NCAM1: variants seen among roughly 807,000 people sequenced by gnomAD.
NCAM1 encodes antigen recognized by monoclonal antibody 5.1H11.
NCAM1 carries 14 observed loss-of-function variants against 109.8 expected under a neutral mutation model. The ratio of observed to expected loss-of-function variants is 0.13; its 90% CI spans 0.08 to 0.20. The LOEUF (loss-of-function observed/expected upper bound fraction) is 0.20, where lower values mean the gene tolerates loss of function less well. Ranked by LOEUF, NCAM1 falls within the 10% of genes least tolerant of loss-of-function variation. The probability of loss-of-function intolerance (pLI) is 1.00; values close to 1 mark genes in which losing one functional copy is unlikely to be tolerated. For synonymous variants in NCAM1, 418 were observed against 442.9 expected, an observed-to-expected ratio of 0.94 and a Z score of 0.70; for missense variants, 774 against 1,109.9, an observed-to-expected ratio of 0.70 and a Z score of 4.30.
chr11:113,038,064 C>A (rs1227228553), intron 1 of NCAM1, among the ~76,000 whole-genome samples: 1 of 152,234 alleles, frequency 6.6e-6, no homozygotes, highest in African/African-American at 2.4e-5. Flanking sequence ...CGGGCTCCTG[C>A]CTCTGTGTCA....
chr11:113,122,813 CAG>C (rs1311164925), intron 1 of NCAM1, among the ~76,000 whole-genome samples: 1 of 152,044 alleles, frequency 6.6e-6, no homozygotes, highest in Non-Finnish European at 1.5e-5. Context: ...AAAAGGAACT[CAG>C]GGTTGTCTAG....
At chr11:113,203,561 T>C (rs1944138979) in intron 2 of NCAM1, among the ~76,000 whole-genome samples, 1 of 152,172 alleles carries the variant, frequency 6.6e-6, no homozygotes, top group African/African-American at 2.4e-5. Flanking sequence ...GCAGTTTCAG[T>C]GTCAGAGCCC....
chr11:113,269,213 C>A (rs1169518553), intron 17 of NCAM1, among the ~76,000 whole-genome samples: 1 of 152,044 alleles, frequency 6.6e-6, no homozygotes, highest in Non-Finnish European at 1.5e-5. Context: ...CCCAGGGGCC[C>A]CAGAGAGCTG....
intron 14 of NCAM1, chr11:113,240,918 C>A: frequency 7.5e-7 from 1 of 1,335,176 alleles, no homozygotes; most frequent in Non-Finnish European, 1.1e-6. Flanking sequence ...TCTCCTTCAC[C>A]AGGTGATAAT....
rs782533681 is a variant in NCAM1, at chr11:113,270,357, C to T, written c.2301C>T (p.Ala767=). 9.9e-6 allele frequency: 16 copies of T among 1,613,898 alleles called. No individual in the cohort carries two copies. Among genetic ancestry groups the T allele is most frequent in the Admixed American group, 1.7e-5 (1 of 60,008 alleles). Residue 767 remains alanine, a synonymous_variant, in exon 18 of 20, where the codon GCC becomes GCT. Coordinates refer to ENST00000316851, the MANE Select transcript of NCAM1 (RefSeq NM_181351.5). ...TGTGTGGAAAAGCCGGGCCCGGGGC[C>T]AAGGGCAAGGACATGGAGGAGGGCA... ...VNLCGKAGPG[A]KGKDMEEGKA...
At chr11:113,077,216 A>G (rs1314396792) in intron 1 of NCAM1, among the ~76,000 whole-genome samples, 1 of 152,198 alleles carries the variant, frequency 6.6e-6, no homozygotes, top group Non-Finnish European at 1.5e-5. Context: ...AAAGGTATGA[A>G]GAGACTGATG....
At chr11:113,198,312 G>T (rs1943917614) in intron 1 of NCAM1, among the ~76,000 whole-genome samples, 1 of 152,012 alleles carries the variant, frequency 6.6e-6, no homozygotes, top group South Asian at 2.1e-4. Flanking sequence ...GATTATCTAT[G>T]AGCAAAGAGG....
intron 1 of NCAM1, among the ~76,000 whole-genome samples, chr11:113,196,022 C>G (rs1472797013): frequency 6.6e-6 from 1 of 151,972 alleles, no homozygotes; most frequent in Non-Finnish European, 1.5e-5. Context: ...CATTACCTTT[C>G]TAAACAATTT....
At chr11:113,107,611 A>C (rs1294300641) in intron 1 of NCAM1, among the ~76,000 whole-genome samples, 1 of 152,180 alleles carries the variant, frequency 6.6e-6, no homozygotes, top group Non-Finnish European at 1.5e-5. Context: ...GAGAATGAGA[A>C]CCAAGAGAAA....
At chr11:113,058,940 A>G (rs1953818311) in intron 1 of NCAM1, among the ~76,000 whole-genome samples, 1 of 152,150 alleles carries the variant, frequency 6.6e-6, no homozygotes, top group African/African-American at 2.4e-5. Context: ...GAAATCTTTT[A>G]TATCTGTTAT....
intron 1 of NCAM1, among the ~76,000 whole-genome samples, chr11:113,094,433 A>G (rs1939499861): frequency 6.6e-6 from 1 of 152,140 alleles, no homozygotes; most frequent in East Asian, 1.9e-4. Flanking sequence ...ACCTTCAGAG[A>G]TTGAACTACA....
chr11:112,999,211 T>G (rs1951679855), intron 1 of NCAM1, among the ~76,000 whole-genome samples: 1 of 152,202 alleles, frequency 6.6e-6, no homozygotes, highest in Non-Finnish European at 1.5e-5. Context: ...TGGTAGTAAT[T>G]TTTTCAGAAA....
chr11:113,033,967 T>C (rs1555078723), intron 1 of NCAM1, among the ~76,000 whole-genome samples: 1 of 152,250 alleles, frequency 6.6e-6, no homozygotes, highest in East Asian at 1.9e-4. Context: ...AATCTGCTTT[T>C]TTTCAAGTTC....
intron 1 of NCAM1, among the ~76,000 whole-genome samples, chr11:113,040,754 T>C (rs1953048776): frequency 6.6e-6 from 1 of 152,220 alleles, no homozygotes; most frequent in African/African-American, 2.4e-5. Flanking sequence ...ATTCTTACTA[T>C]GTTTTAAGTG....
chr11:112,981,917 C>CT (rs577465019), intron 1 of NCAM1, among the ~76,000 whole-genome samples: 61 of 151,726 alleles, frequency 4.0e-4, no homozygotes, highest in East Asian at 1.9e-3. Flanking sequence ...AGGTGGCTCT[C>CT]TTTTTTTTAG....
At chr11:113,179,304 A>G (rs1555107600) in intron 1 of NCAM1, among the ~76,000 whole-genome samples, 1 of 152,240 alleles carries the variant, frequency 6.6e-6, no homozygotes, top group East Asian at 1.9e-4. Flanking sequence ...GTTGATTCCT[A>G]AGTAAAGAAT....
chr11:113,009,091 T>G (rs570039077), intron 1 of NCAM1, among the ~76,000 whole-genome samples: 1 of 152,164 alleles, frequency 6.6e-6, no homozygotes, highest in African/African-American at 2.4e-5. Flanking sequence ...AACTGAGCCT[T>G]GAACTCAGTT....
At chr11:113,194,809 C>CA (rs1158199761) in intron 1 of NCAM1, among the ~76,000 whole-genome samples, 1 of 152,204 alleles carries the variant, frequency 6.6e-6, no homozygotes, top group Non-Finnish European at 1.5e-5. Flanking sequence ...CCCAGGAGCC[C>CA]AGGGGCCTGT....
At chr11:113,079,350 C>T (rs572300228) in intron 1 of NCAM1, among the ~76,000 whole-genome samples, 3 of 152,094 alleles carry the variant, frequency 2.0e-5, no homozygotes, top group African/African-American at 4.8e-5. Flanking sequence ...AGCCTCAAAC[C>T]GGGGATCCAG....
Sources: allele counts gnomAD v4.1 joint callset (sites outside exome capture counted in the v4.1 genomes callset), GRCh38; gene constraint gnomAD v4.1.1; transcripts MANE v1.5; gene names NCBI Gene and HGNC (gene_info 2026-07-23, HGNC 2026-07-21).